ENPEP: variants seen among roughly 807,000 people sequenced by gnomAD.
ENPEP encodes glutamyl aminopeptidase.
ENPEP carries 103 observed loss-of-function variants against 114.5 expected under a neutral mutation model. The ratio of observed to expected loss-of-function variants is 0.90; its 90% CI spans 0.77 to 1.06. The LOEUF is 1.06. Among genes scored for constraint, ENPEP ranks in the 50% least tolerant of loss-of-function variants. ENPEP has a pLI of 0.00. For synonymous variants in ENPEP, 420 were observed against 422.0 expected (o/e 1.00, Z 0.06); for missense variants, 1,196 against 1,161.3 (o/e 1.03, Z -0.43).
chr4:110,546,356 T>C (rs1456521365), intron 13 of ENPEP, among the ~76,000 whole-genome samples: 1 of 151,906 alleles, frequency 6.6e-6, no homozygotes, highest in Non-Finnish European at 1.5e-5. Context: ...TTGTTGTTTT[T>C]TGTTTTCTGT....
intron 1 of ENPEP, among the ~76,000 whole-genome samples, chr4:110,487,147 A>G (rs759431496): frequency 6.6e-6 from 1 of 152,226 alleles, no homozygotes; most frequent in Non-Finnish European, 1.5e-5. Context: ...GTTATCCCCC[A>G]TGAGGAATTT....
chr4:110,543,099 TA>T lies in ENPEP; in HGVS notation c.2000+33del, dbSNP rs35240738. The T allele has an allele frequency of 5.7e-6, 9 of 1,581,654 alleles. No individual in the cohort carries two copies. The East Asian group carries it at 2.0e-4, about 35-fold the overall frequency. ...CGTTTTAGAATGAGACTAAATTACT[TA>T]AAATACTGTGGGTTTTCTCATAAAT... On this transcript the variant is annotated intron_variant, in intron 13 of 19. Transcript: ENST00000265162.
intron 10 of ENPEP, among the ~76,000 whole-genome samples, chr4:110,527,472 G>A (rs573375018): frequency 6.6e-6 from 1 of 152,222 alleles, no homozygotes; most frequent in East Asian, 1.9e-4. Context: ...CCTGAACTCT[G>A]CAGGTAAGTG....
intron 10 of ENPEP, among the ~76,000 whole-genome samples, chr4:110,527,757 TTC>T (rs1360474951): frequency 6.6e-6 from 1 of 152,166 alleles, no homozygotes; most frequent in East Asian, 1.9e-4. Flanking sequence ...TAAAAAGTAT[TTC>T]TCTCTTGAGA....
intron 1 of ENPEP, among the ~76,000 whole-genome samples, chr4:110,482,168 T>G (rs867828059): frequency 8.5e-5 from 13 of 152,206 alleles, no homozygotes; most frequent in Middle Eastern, 6.8e-3. Context: ...ATGAAAGATA[T>G]TGCAGCAATC....
intron 3 of ENPEP, among the ~76,000 whole-genome samples, chr4:110,497,673 C>G (rs529883227): frequency 6.6e-6 from 1 of 152,040 alleles, no homozygotes; most frequent in Non-Finnish European, 1.5e-5. Context: ...GACTCAGAGT[C>G]CGAACATGTT....
intron 1 of ENPEP, among the ~76,000 whole-genome samples, chr4:110,485,958 C>T (rs1724485641): frequency 6.6e-6 from 1 of 152,056 alleles, no homozygotes; most frequent in South Asian, 2.1e-4. Flanking sequence ...GTAGTGTCCA[C>T]CAAGCGTCTC....
At chr4:110,553,585 T>TAATAC in intron 18 of ENPEP, 130 bp downstream of exon 18, 8 of 883,700 alleles carry the variant, frequency 9.1e-6, no homozygotes, top group Non-Finnish European at 1.3e-5. Context: ...AGGTAAAGGA[T>TAATAC]CATGGTATTA....
rs765387615 is a variant in ENPEP, at chr4:110,562,390, T to C, written c.*832T>C. 3.0e-4 allele frequency: 45 copies of C among 152,148 alleles called. No homozygotes were observed. The highest frequency in any genetic ancestry group is 1.4e-3 in the Admixed American group (22 of 15,268). 9.4% of individuals were successfully genotyped at this position (152,148 alleles called of 1,614,324 possible). A position where few individuals can be genotyped will look rare whatever the true frequency, so the allele number is the denominator to read the frequency against. On this transcript the variant is annotated 3_prime_UTR_variant, in exon 20 of 20. Transcript: ENST00000265162. Reference sequence around the variant, plus strand: ...ATATGCTATGAAATTAGAGGGAACATAGTGCTTAACTCTGCTCCATGGATT... The same window carrying C: ...ATATGCTATGAAATTAGAGGGAACACAGTGCTTAACTCTGCTCCATGGATT...
Position 110,549,408 on chromosome 4 carries a change from C to T in ENPEP, c.2214C>T (p.Asp738=), listed in dbSNP as rs199906584. 6.2e-7 allele frequency: 1 copy of T among 1,613,182 alleles called. No homozygotes were observed. ...ADSLGWNDAG[D]HVTKLLRSSV... is the part of the protein sequence containing the mutation. ...CTCTGGGATGGAATGATGCTGGAGA[C>T]CATGTCACAAAGTTATTCTCACTTT... Residue 738 remains aspartate (D), a synonymous_variant, in exon 15 of 20, where the codon GAC becomes GAT. Transcript: ENST00000265162.
intron 10 of ENPEP, among the ~76,000 whole-genome samples, chr4:110,527,512 G>T (rs540516794): frequency 1.3e-5 from 2 of 152,210 alleles, no homozygotes; most frequent in African/African-American, 2.4e-5. Context: ...AGAAAGGAAA[G>T]ATTAGATGAT....
At position 110,476,561 on chromosome 4, in the gene ENPEP, C is replaced by T. The variant is rs775120757; in HGVS notation, c.147C>T (p.Gly49=). 5.6e-6 allele frequency: 9 copies of T among 1,612,738 alleles called. No homozygotes were observed. The Admixed American group carries it at 8.3e-5, about 15-fold the overall frequency. Residue 49 remains glycine, a synonymous_variant, in exon 1 of 20, where the codon GGC becomes GGT. Transcript: ENST00000265162. ...LTRSCDSSGD[G]GPGTAPAPSH... ...GATCGTGTGACTCCAGCGGGGACGG[C>T]GGGCCGGGCACTGCGCCAGCTCCTT...
chr4:110,505,909 G>C (rs1345304811), intron 3 of ENPEP, among the ~76,000 whole-genome samples: 1 of 152,126 alleles, frequency 6.6e-6, no homozygotes, highest in Non-Finnish European at 1.5e-5. Context: ...TATAAAGTCA[G>C]ACATGCTTAG....
chr4:110,559,790 T>A (rs980478751), intron 19 of ENPEP, 65 bp downstream of exon 19: 9 of 1,332,576 alleles, frequency 6.8e-6, no homozygotes, highest in East Asian at 2.4e-5. Context: ...TTAAAAAAAA[T>A]TTTACTTTAA....
chr4:110,549,739 T>C lies in ENPEP; in HGVS notation c.2354T>C (p.Leu785Pro). The C allele has an allele frequency of 6.2e-7, 1 of 1,613,196 alleles. No homozygotes were observed. The highest frequency in any genetic ancestry group is 8.5e-7 in the Non-Finnish European group (1 of 1,179,532). ...AGCCTTCCCGTAAATCTCAGGCTTC[T>C]GGTGTATCGGTATGGGATGCAGAAC... is the stretch of plus-strand genomic sequence containing the variant. ...TVSLPVNLRL[L>P]VYRYGMQNSG... The change falls in exon 17 of 20, where the codon CTG becomes CCG. Residue 785 changes from leucine (L) to proline (P), a missense_variant. By Grantham distance (98) the Leu-to-Pro change is moderately conservative. Transcript: ENST00000265162.
At chr4:110,554,562 C>T (rs3796881) in intron 18 of ENPEP, among the ~76,000 whole-genome samples, 89,605 of 151,846 alleles carry the variant, frequency 0.59, 26,594 homozygotes, top group Admixed American at 0.66. Context: ...TGTGTGTGCA[C>T]GCACATATGT....
intron 10 of ENPEP, among the ~76,000 whole-genome samples, chr4:110,524,446 G>A (rs1726120618): frequency 6.6e-6 from 1 of 152,144 alleles, no homozygotes; most frequent in African/African-American, 2.4e-5. Context: ...ACTTATAAAT[G>A]TAACCAAATT....
At chr4:110,504,790 G>A (rs1379034286) in intron 3 of ENPEP, among the ~76,000 whole-genome samples, 1 of 152,234 alleles carries the variant, frequency 6.6e-6, no homozygotes, top group African/African-American at 2.4e-5. Context: ...CTTAAAGGGA[G>A]TTCATTTACT....
intron 1 of ENPEP, among the ~76,000 whole-genome samples, chr4:110,480,737 A>C (rs1724282797): frequency 6.6e-6 from 1 of 152,210 alleles, no homozygotes; most frequent in Non-Finnish European, 1.5e-5. Flanking sequence ...ATGGGGAAGA[A>C]AGGGGACAAA....
Sources: gnomAD v4.1 joint callset for allele counts (sites outside exome capture counted in the v4.1 genomes callset) on GRCh38, gnomAD v4.1.1 for gene constraint, MANE v1.5 for transcripts, NCBI Gene and HGNC (gene_info 2026-07-23, HGNC 2026-07-21) for gene names.